The following FMN2 variants were observed in gnomAD, a reference collection of about 807,000 sequenced individuals.
FMN2 encodes formin-2.
In FMN2, 51 loss-of-function variants were observed where a neutral mutation model predicts 142.3. The observed-to-expected ratio is 0.36, with a 90% CI of 0.29 to 0.45. FMN2 has a LOEUF of 0.45. Ranked by LOEUF, FMN2 falls within the 20% of genes least tolerant of loss-of-function variation. The pLI, the probability that FMN2 is intolerant of heterozygous loss-of-function variation, is 1.00. For synonymous variants in FMN2, 882 were observed against 869.8 expected, an observed-to-expected ratio of 1.01 and a Z score of -0.25; for missense variants, 1,936 against 2,122.8, an observed-to-expected ratio of 0.91 and a Z score of 1.73.
At chr1:240,106,595 T>A (rs1558297972) in intron 1 of FMN2, among the ~76,000 whole-genome samples, 1 of 152,160 alleles carries the variant, frequency 6.6e-6, no homozygotes. Flanking sequence ...CTCTTCCTCC[T>A]CCTTATATTT....
At chr1:240,094,446 A>G (rs568914317) in intron 1 of FMN2, among the ~76,000 whole-genome samples, 29 of 152,350 alleles carry the variant, frequency 1.9e-4, no homozygotes, top group Non-Finnish European at 3.7e-4. Context: ...TGGAAAGGTC[A>G]AAAGCACGTC....
intron 4 of FMN2, among the ~76,000 whole-genome samples, chr1:240,202,943 C>A (rs939483294): frequency 3.3e-5 from 5 of 152,154 alleles, no homozygotes; most frequent in Non-Finnish European, 7.3e-5. Context: ...ATCAACTAAC[C>A]TTTTTATATA....
chr1:240,130,253 C>T (rs1397021182), intron 2 of FMN2, among the ~76,000 whole-genome samples: 1 of 152,180 alleles, frequency 6.6e-6, no homozygotes, highest in East Asian at 1.9e-4. Context: ...CCAGGCCACT[C>T]AAACAAGGAT....
At chr1:240,161,643 C>G (rs900797134) in intron 2 of FMN2, among the ~76,000 whole-genome samples, 1 of 152,030 alleles carries the variant, frequency 6.6e-6, no homozygotes, top group African/African-American at 2.4e-5. Flanking sequence ...TAGAAACACA[C>G]AGTGGAACAG....
At chr1:240,385,699 C>G (rs1404130759) in intron 14 of FMN2, among the ~76,000 whole-genome samples, 1 of 152,162 alleles carries the variant, frequency 6.6e-6, no homozygotes, top group Non-Finnish European at 1.5e-5. Context: ...CTGAGGACCA[C>G]TTCAATACGT....
chr1:240,148,335 CAGAT>C (rs902419682), intron 2 of FMN2, among the ~76,000 whole-genome samples: 8 of 140,722 alleles, frequency 5.7e-5, no homozygotes, highest in South Asian at 5.1e-4. Flanking sequence ...GAGAGACAGA[CAGAT>C]AAAGAGAGAA....
At position 240,330,583 on chromosome 1, in the gene FMN2, G is replaced by C. The variant is rs1403439464; in HGVS notation, c.4438-20G>C. On this transcript the variant is annotated intron_variant, in intron 10 of 17. Transcript: ENST00000319653. ...TGGTATAAGATAAAAGTTGTTTTTT[G>C]TTGTTATTCTGTTTTACAGACATTA... 6.2e-7 allele frequency: 1 copy of C among 1,601,172 alleles called. No individual in the cohort carries two copies. Among genetic ancestry groups the C allele is most frequent in the Non-Finnish European group, 8.5e-7 (1 of 1,176,842 alleles).
At chr1:240,431,228 G>A (rs1675160536) in intron 15 of FMN2, among the ~76,000 whole-genome samples, 1 of 151,586 alleles carries the variant, frequency 6.6e-6, no homozygotes, top group African/African-American at 2.4e-5. Flanking sequence ...TCTTTCCCCA[G>A]TGGTCTTTTC....
chr1:240,397,405 G>A (rs1572265644), intron 15 of FMN2, among the ~76,000 whole-genome samples: 1 of 152,222 alleles, frequency 6.6e-6, no homozygotes, highest in African/African-American at 2.4e-5. Flanking sequence ...GAGTCTTAAG[G>A]TCTTCAACTG....
chr1:240,329,308 T>C (rs1300693412), intron 9 of FMN2, 31 bp from the exon 10 acceptor site: 1 of 1,607,632 alleles, frequency 6.2e-7, no homozygotes, highest in South Asian at 1.1e-5. Context: ...TGAATTATAT[T>C]TTTCTTCTTA....
At chr1:240,377,798 C>T (rs1382103600) in intron 14 of FMN2, among the ~76,000 whole-genome samples, 1 of 152,064 alleles carries the variant, frequency 6.6e-6, no homozygotes, top group Non-Finnish European at 1.5e-5. Flanking sequence ...ATTTAATTCC[C>T]CCTTAATTTA....
At chr1:240,301,975 C>G (rs1670217564) in intron 8 of FMN2, among the ~76,000 whole-genome samples, 1 of 151,974 alleles carries the variant, frequency 6.6e-6, no homozygotes, top group South Asian at 2.1e-4. Flanking sequence ...CCCAGTTTCT[C>G]TCCTCTCTGG....
At chr1:240,242,108 G>A (rs1667931082) in intron 6 of FMN2, among the ~76,000 whole-genome samples, 1 of 152,014 alleles carries the variant, frequency 6.6e-6, no homozygotes, top group African/African-American at 2.4e-5. Flanking sequence ...GCCTCCCAAA[G>A]TGCTGGGATG....
At chr1:240,466,924 T>G (rs570416368) in intron 16 of FMN2, among the ~76,000 whole-genome samples, 31 of 152,274 alleles carry the variant, frequency 2.0e-4, no homozygotes, top group African/African-American at 7.2e-4. Context: ...AGGAACTCCA[T>G]TCGTTTTGTT....
chr1:240,266,643 T>C (rs1668817478), intron 7 of FMN2, among the ~76,000 whole-genome samples: 1 of 152,134 alleles, frequency 6.6e-6, no homozygotes, highest in Admixed American at 6.6e-5. Flanking sequence ...TCTAAATCTT[T>C]GCTATTGTGT....
chr1:240,318,771 TAGTTG>T (rs1250507622), intron 8 of FMN2, among the ~76,000 whole-genome samples: 3 of 152,116 alleles, frequency 2.0e-5, no homozygotes, highest in Non-Finnish European at 2.9e-5. Flanking sequence ...GATATTAGAA[TAGTTG>T]AGTTGAGAGA....
rs143008498 is a variant in FMN2, at chr1:240,371,702, T to C, written c.4858+15794T>C. ...CTGGTTAATGTCTAAAATCTGCCAG[T>C]TTATTAATTTTCTGCTTGACACATG... On this transcript the variant is annotated intron_variant, in intron 14 of 17. Transcript: ENST00000319653. 2.4e-3 allele frequency among the ~76,000 whole-genome samples: 368 copies of C among 152,312 alleles called. 5 individuals are homozygous for C. The highest frequency in any genetic ancestry group is 8.4e-3 in the African/African-American group (351 of 41,568).
rs980285482 is a variant in FMN2, at chr1:240,183,102, G to T, written c.1930+5034G>T. 2.6e-5 allele frequency among the ~76,000 whole-genome samples: 4 copies of T among 151,330 alleles called. No individual in the cohort carries two copies. The East Asian group carries it at 7.8e-4, about 29-fold the overall frequency. On this transcript the variant is annotated intron_variant, in intron 3 of 17. Transcript: ENST00000319653. ...CAGCTAATTTTTAAAATTTTTTGTAGATATGAGGTTTTGTCATGTAGCTCA... is the reference window on the plus strand; with the variant it reads ...CAGCTAATTTTTAAAATTTTTTGTATATATGAGGTTTTGTCATGTAGCTCA...
chr1:240,143,054 G>T, intron 2 of FMN2: 2 of 1,497,178 alleles, frequency 1.3e-6, no homozygotes, highest in Non-Finnish European at 1.9e-6. Context: ...CACTGTGGTA[G>T]GGGCAGAGGG....
Sources: gnomAD v4.1 joint callset for allele counts (sites outside exome capture counted in the v4.1 genomes callset) on GRCh38, gnomAD v4.1.1 for gene constraint, MANE v1.5 for transcripts, NCBI Gene and HGNC (gene_info 2026-07-23, HGNC 2026-07-21) for gene names.